The following IQSEC1 variants were observed in gnomAD, a reference collection of about 807,000 sequenced individuals.
IQSEC1 encodes IQ motif and SEC7 domain-containing protein 1.
IQSEC1 carries 31 observed loss-of-function variants against 91.0 expected under a neutral mutation model. The ratio of observed to expected loss-of-function variants is 0.34; its 90% CI spans 0.26 to 0.46. The LOEUF is 0.46. Ranked by LOEUF, IQSEC1 falls within the 20% of genes least tolerant of loss-of-function variation. The pLI is 1.00. For missense variants in IQSEC1, 1,388 were observed against 1,575.6 expected (o/e 0.88, Z 2.02); for synonymous variants, 699 against 662.6 (o/e 1.05, Z -0.84).
At chr3:13,242,251 G>T (rs538912777) in intron 1 of IQSEC1, among the ~76,000 whole-genome samples, 1 of 152,302 alleles carries the variant, frequency 6.6e-6, no homozygotes, top group South Asian at 2.1e-4. Flanking sequence ...TGTGATGCGG[G>T]TGAGCTGCTC....
intron 1 of IQSEC1, among the ~76,000 whole-genome samples, chr3:13,225,026 C>A (rs1183439397): frequency 6.6e-6 from 1 of 152,254 alleles, no homozygotes; most frequent in Non-Finnish European, 1.5e-5. Flanking sequence ...TACTGCCCAG[C>A]AGTAGTGAGA....
rs976436358 is a variant in IQSEC1 at position 12,909,665 on chromosome 3, G to A, written c.2417-231C>T. Among the ~76,000 whole-genome samples, 3 of 152,224 alleles carry A rather than the reference G, an allele frequency of 2.0e-5. No individual in the cohort carries two copies. Among genetic ancestry groups the A allele is most frequent in the Admixed American group, 1.3e-4 (2 of 15,288 alleles). On this transcript the variant is annotated intron_variant, in intron 10 of 13. Transcript: ENST00000613206. The surrounding 1 kb of genome is among the most constrained non-coding windows in gnomAD (Gnocchi z 4.9). ...ATGTGACTCAGGGACAAAAGTGGTC[G>A]AGCTCAGGGGAGGCTGCTGGGGCCG...
chr3:13,096,637 T>A (rs983885856), intron 2 of IQSEC1, among the ~76,000 whole-genome samples: 2 of 152,086 alleles, frequency 1.3e-5, no homozygotes, highest in Non-Finnish European at 1.5e-5. Flanking sequence ...GGAAGGAACA[T>A]GAGCAAAGGC....
intron 1 of IQSEC1, among the ~76,000 whole-genome samples, chr3:13,197,077 C>T (rs1694143269): frequency 6.6e-6 from 1 of 152,164 alleles, no homozygotes; most frequent in Non-Finnish European, 1.5e-5. Context: ...CACTGTGGAC[C>T]ATAGACCAAG....
intron 1 of IQSEC1, among the ~76,000 whole-genome samples, chr3:13,204,157 G>GGGAGAGCTGC (rs949767758): frequency 1.3e-4 from 20 of 152,238 alleles, no homozygotes; most frequent in Non-Finnish European, 2.2e-4. Flanking sequence ...GCCAAGCCCA[G>GGGAGAGCTGC]GGAGAGCTGC....
At chr3:12,907,528 C>T (rs734525) in intron 12 of IQSEC1, among the ~76,000 whole-genome samples, 123,216 of 152,140 alleles carry the variant, frequency 0.81, 50,770 homozygotes, top group African/African-American at 0.94. Context: ...AGGGCGGCTA[C>T]GATACCCTCC....
intron 1 of IQSEC1, chr3:13,022,032 C>T (rs1382458372): frequency 8.9e-6 from 11 of 1,231,690 alleles, no homozygotes; most frequent in Non-Finnish European, 1.1e-5. Flanking sequence ...CGTCCCGGTA[C>T]CTGAGTGTCC....
At chr3:13,270,944 A>G (rs961739906) in intron 1 of IQSEC1, among the ~76,000 whole-genome samples, 1 of 152,230 alleles carries the variant, frequency 6.6e-6, no homozygotes, top group Admixed American at 6.5e-5. Flanking sequence ...GAAAGGATGG[A>G]AAAAGATATA....
intron 1 of IQSEC1, among the ~76,000 whole-genome samples, chr3:13,200,030 A>ACACAC (rs762732349): frequency 2.4e-4 from 36 of 149,190 alleles, no homozygotes; most frequent in Non-Finnish European, 3.3e-4. Flanking sequence ...TGTACATCAC[A>ACACAC]CACACCACAC....
Position 12,900,807 on chromosome 3 carries a change from T to C in IQSEC1, c.*176A>G. The stretch of plus-strand genomic sequence containing the variant: ...CCAACAAGAAATGAAATCTGGGCCT[T>C]TGTTCCACACAACACCAGCCCTGTG... On this transcript the variant is annotated 3_prime_UTR_variant, in exon 14 of 14. Coordinates refer to ENST00000613206, the MANE Select transcript of IQSEC1 (RefSeq NM_001134382.3). The C allele has an allele frequency of 6.8e-7, 1 of 1,462,088 alleles. No individual in the cohort carries two copies. Among genetic ancestry groups the C allele is most frequent in the South Asian group, 1.4e-5 (1 of 71,542 alleles). 90.6% of individuals were successfully genotyped at this position (1,462,088 alleles called of 1,614,324 possible).
Position 12,992,239 on chromosome 3 carries a change from T to G in IQSEC1, c.24-50374A>C, listed in dbSNP as rs1288482470. On this transcript the variant is annotated intron_variant, in intron 1 of 13. Coordinates refer to ENST00000613206, the MANE Select transcript of IQSEC1 (RefSeq NM_001134382.3). The surrounding 1 kb of genome is among the most constrained non-coding windows in gnomAD (Gnocchi z 4.1). ...CCTCAGTTCTCCATCTCTAACACAGTAGGGTGGCTCCGGGATGCTCCCTCC... is the reference window on the plus strand; with the variant it reads ...CCTCAGTTCTCCATCTCTAACACAGGAGGGTGGCTCCGGGATGCTCCCTCC... Among the ~76,000 whole-genome samples the G allele has an allele frequency of 6.6e-6, 1 of 150,834 alleles. No individual in the cohort carries two copies. The highest frequency in any genetic ancestry group is 1.5e-5 in the Non-Finnish European group (1 of 67,850).
intron 1 of IQSEC1, among the ~76,000 whole-genome samples, chr3:12,998,363 C>T (rs1390566303): frequency 6.6e-6 from 1 of 151,878 alleles, no homozygotes; most frequent in African/African-American, 2.4e-5. Flanking sequence ...AAAAAACAAA[C>T]AACAAAACAA....
intron 1 of IQSEC1, among the ~76,000 whole-genome samples, chr3:12,998,368 A>C (rs2125653708): frequency 6.6e-6 from 1 of 152,252 alleles, no homozygotes; most frequent in South Asian, 2.1e-4. Context: ...ACAAACAACA[A>C]AACAAGACAA....
chr3:12,938,474 G>A (rs1184742803), intron 2 of IQSEC1, among the ~76,000 whole-genome samples: 1 of 152,156 alleles, frequency 6.6e-6, no homozygotes, highest in Non-Finnish European at 1.5e-5. Flanking sequence ...GAGCTGGGGG[G>A]GCTTGAGGGG....
intron 2 of IQSEC1, among the ~76,000 whole-genome samples, chr3:13,095,886 G>A (rs1015201232): frequency 2.0e-5 from 3 of 152,198 alleles, no homozygotes; most frequent in Non-Finnish European, 2.9e-5. Flanking sequence ...GAGGGGCGGC[G>A]AGATTCACGT....
chr3:13,195,467 C>A (rs1256206453), intron 1 of IQSEC1, among the ~76,000 whole-genome samples: 1 of 152,184 alleles, frequency 6.6e-6, no homozygotes, highest in Non-Finnish European at 1.5e-5. Context: ...CCATATGACC[C>A]AGTAACTGTA....
chr3:12,944,790 G>A (rs1699068168), intron 1 of IQSEC1, among the ~76,000 whole-genome samples: 1 of 152,236 alleles, frequency 6.6e-6, no homozygotes, highest in Non-Finnish European at 1.5e-5. Flanking sequence ...GGTCCCTGGA[G>A]CTGAAGCAGG....
chr3:13,144,941 T>G (rs2124945625), intron 2 of IQSEC1, among the ~76,000 whole-genome samples: 1 of 152,274 alleles, frequency 6.6e-6, no homozygotes, highest in South Asian at 2.1e-4. Flanking sequence ...GTCCCTGAGA[T>G]GTACTGAAGG....
At position 12,983,389 on chromosome 3, in the gene IQSEC1, G is replaced by A. The variant is rs1455467666; in HGVS notation, c.24-41524C>T. 6.6e-6 allele frequency among the ~76,000 whole-genome samples: 1 copy of A among 152,198 alleles called. No homozygotes were observed. The highest frequency in any genetic ancestry group is 1.5e-5 in the Non-Finnish European group (1 of 68,022). The stretch of plus-strand genomic sequence containing the variant: ...GTGCTGGCTTGGGGGCGGGTGAGGA[G>A]CAGGAGGAAGCATGGCTCACTCCTG... On this transcript the variant is annotated intron_variant, in intron 1 of 13. Transcript: ENST00000613206. This position sits in a 1 kb window ranked among gnomAD's most constrained non-coding sequence, Gnocchi z 4.3.
Sources: allele counts gnomAD v4.1 joint callset (sites outside exome capture counted in the v4.1 genomes callset), GRCh38; gene constraint gnomAD v4.1.1; non-coding constraint Gnocchi (gnomAD v3.1); transcripts MANE v1.5; gene names NCBI Gene and HGNC (gene_info 2026-07-23, HGNC 2026-07-21).